Variants in SNX4 observed in about 807,000 individuals in gnomAD.
The protein encoded by SNX4 is sorting nexin 4.
In SNX4, 49 loss-of-function variants were observed where a neutral mutation model predicts 70.8. That is an observed-to-expected ratio of 0.69 (90% confidence interval 0.55 to 0.88). The LOEUF is 0.88. SNX4 is among the 40% of genes least tolerant of loss of function. The probability of loss-of-function intolerance (pLI) is 0.00; values close to 1 mark genes in which losing one functional copy is unlikely to be tolerated. For missense variants in SNX4, 528 were observed against 544.8 expected, an observed-to-expected ratio of 0.97 and a Z score of 0.31; for synonymous variants, 206 against 183.8, an observed-to-expected ratio of 1.12 and a Z score of -0.98.
At chr3:125,513,167 TA>T (rs1580012566) in intron 1 of SNX4, among the ~76,000 whole-genome samples, 2 of 152,268 alleles carry the variant, frequency 1.3e-5, no homozygotes, top group East Asian at 3.9e-4. Flanking sequence ...AGGGCCCTCA[TA>T]AGTGGGGTTA....
At chr3:125,504,296 G>A (rs1309576131) in intron 2 of SNX4, among the ~76,000 whole-genome samples, 1 of 146,702 alleles carries the variant, frequency 6.8e-6, no homozygotes, top group Non-Finnish European at 1.5e-5. Flanking sequence ...TCATGCCACT[G>A]CATTCTAGCC....
chr3:125,496,749 C>T (rs1343020374), intron 5 of SNX4, among the ~76,000 whole-genome samples: 2 of 152,160 alleles, frequency 1.3e-5, no homozygotes, highest in African/African-American at 4.8e-5. Flanking sequence ...AACACTAATT[C>T]TAATGACTAA....
intron 11 of SNX4, among the ~76,000 whole-genome samples, chr3:125,456,598 G>C (rs1169253536): frequency 6.6e-6 from 1 of 152,188 alleles, no homozygotes; most frequent in African/African-American, 2.4e-5. Context: ...CATGAGCCCT[G>C]ATCATACCAC....
intron 6 of SNX4, among the ~76,000 whole-genome samples, chr3:125,482,347 A>G (rs1268317319): frequency 2.0e-5 from 3 of 152,130 alleles, no homozygotes; most frequent in East Asian, 1.9e-4. Flanking sequence ...CTTGCACTCT[A>G]AAGAATGAAA....
At chr3:125,483,210 T>C (rs1048251069) in intron 6 of SNX4, among the ~76,000 whole-genome samples, 3 of 151,594 alleles carry the variant, frequency 2.0e-5, no homozygotes, top group Non-Finnish European at 4.4e-5. Flanking sequence ...AGCGGCTTTC[T>C]TTACGTAGAG....
intron 11 of SNX4, among the ~76,000 whole-genome samples, chr3:125,456,899 G>A (rs1251175074): frequency 6.6e-6 from 1 of 151,978 alleles, no homozygotes; most frequent in Non-Finnish European, 1.5e-5. Context: ...GACCTCAGGT[G>A]ATCCACTGGC....
intron 10 of SNX4, among the ~76,000 whole-genome samples, chr3:125,458,559 G>C (rs1409288928): frequency 6.6e-6 from 1 of 152,154 alleles, no homozygotes; most frequent in Admixed American, 6.5e-5. Flanking sequence ...GCTCATGCCT[G>C]TAATCCCAGC....
chr3:125,512,078 T>C (rs570428488), intron 1 of SNX4, among the ~76,000 whole-genome samples: 31 of 152,322 alleles, frequency 2.0e-4, no homozygotes, highest in African/African-American at 7.0e-4. Flanking sequence ...AGTTTTTATA[T>C]ATTTATGTAC....
chr3:125,461,040 A>G (rs566962431), intron 9 of SNX4, among the ~76,000 whole-genome samples, 180 bp from the exon 10 acceptor site: 1 of 152,292 alleles, frequency 6.6e-6, no homozygotes, highest in Admixed American at 6.5e-5. Flanking sequence ...AGCCTGGCCA[A>G]CGTGGTGAAA....
chr3:125,458,227 C>T (rs1933775733), intron 10 of SNX4, among the ~76,000 whole-genome samples: 1 of 144,978 alleles, frequency 6.9e-6, no homozygotes, highest in African/African-American at 2.6e-5. Context: ...GGCTGGAGGG[C>T]AATGGTGCAA....
intron 5 of SNX4, among the ~76,000 whole-genome samples, chr3:125,494,335 A>C (rs1312938593): frequency 6.6e-6 from 1 of 152,146 alleles, no homozygotes; most frequent in African/African-American, 2.4e-5. Context: ...GTTAGTCTAG[A>C]CTTGGATTCA....
intron 12 of SNX4, among the ~76,000 whole-genome samples, chr3:125,452,110 A>AT (rs111634536): frequency 0.11 from 15,884 of 141,008 alleles, 879 homozygotes; most frequent in African/African-American, 0.16. Flanking sequence ...CACGTTTAGC[A>AT]TTTTTTTTTT....
chr3:125,457,777 A>G (rs1260646738), intron 10 of SNX4, among the ~76,000 whole-genome samples: 2 of 151,940 alleles, frequency 1.3e-5, no homozygotes, highest in African/African-American at 4.8e-5. Context: ...GGAATTCTCC[A>G]TATTGGCCAG....
chr3:125,493,655 AAAAAAAAAAAAAG>A (rs1263148793), intron 5 of SNX4, among the ~76,000 whole-genome samples: 1 of 67,472 alleles, frequency 1.5e-5, no homozygotes, highest in Non-Finnish European at 3.3e-5. Context: ...CTCCGTGTCA[AAAAAAAAAAAAAG>A]AAAGAAAAAA....
At chr3:125,498,233 A>G in intron 2 of SNX4, 39 bp from the exon 3 acceptor site, 1 of 1,548,906 alleles carries the variant, frequency 6.5e-7, no homozygotes, top group Non-Finnish European at 8.8e-7. Flanking sequence ...TTTTTTATAA[A>G]CAAAAATACA....
rs778316083 is a variant in SNX4 at position 125,504,734 on chromosome 3, TTG to T, written c.150_151del (p.His50GlnfsTer2). 4 of 1,613,440 alleles carry T rather than the reference TTG, an allele frequency of 2.5e-6. No homozygotes were observed. The Admixed American group carries it at 5.0e-5, about 20-fold the overall frequency. ...TTCTATCTTCTTCAACCAAAAATTATTGTGTGTCATCTGGACAAAAGTAAATA... is the reference window on the plus strand; with the variant it reads ...TTCTATCTTCTTCAACCAAAAATTATTGTGTCATCTGGACAAAAGTAAATA... On this transcript the variant is annotated frameshift_variant, in exon 2 of 14. Coordinates refer to ENST00000251775, the MANE Select transcript of SNX4 (RefSeq NM_003794.4). LOFTEE classifies it high-confidence loss of function.
intron 9 of SNX4, 96 bp downstream of exon 9, chr3:125,469,356 TGC>T (rs1475296812): frequency 1.3e-6 from 1 of 792,756 alleles, no homozygotes; most frequent in Non-Finnish European, 2.1e-6. Context: ...GCAATATAAA[TGC>T]CAGCAAACTT....
At chr3:125,458,814 C>CAAAAAAAAAA (rs71148180) in intron 10 of SNX4, among the ~76,000 whole-genome samples, 12 of 64,534 alleles carry the variant, frequency 1.9e-4, no homozygotes, top group East Asian at 1.0e-3. Flanking sequence ...GACTCCGTCT[C>CAAAAAAAAAA]AAAAAAAAAA....
At chr3:125,452,752 G>C (rs1933607321) in intron 12 of SNX4, among the ~76,000 whole-genome samples, 1 of 151,968 alleles carries the variant, frequency 6.6e-6, no homozygotes, top group Non-Finnish European at 1.5e-5. Context: ...CGAGTAGCTG[G>C]GACTGTAGGC....
Sources: gnomAD v4.1 joint callset for allele counts (sites outside exome capture counted in the v4.1 genomes callset) on GRCh38, gnomAD v4.1.1 for gene constraint, MANE v1.5 for transcripts, NCBI Gene and HGNC (gene_info 2026-07-23, HGNC 2026-07-21) for gene names.